The following CACNB4 variants were observed in gnomAD, a reference collection of about 807,000 sequenced individuals.
CACNB4 encodes calcium voltage-gated channel auxiliary subunit beta 4.
Under a neutral mutation model 71.2 loss-of-function variants are expected in CACNB4, and 32 were observed. That is an observed-to-expected ratio of 0.45 (90% CI 0.34 to 0.60). CACNB4 has a LOEUF of 0.60. CACNB4 is among the 20% of genes least tolerant of loss of function. CACNB4 has a pLI of 0.01. For missense variants in CACNB4, 464 were observed against 647.9 expected (o/e 0.72, Z 3.08); for synonymous variants, 231 against 236.9 (o/e 0.97, Z 0.23).
At chr2:152,048,663 T>G (rs1319432423) in intron 2 of CACNB4, 5 of 152,412 alleles carry the variant, frequency 3.3e-5, no homozygotes, top group African/African-American at 1.2e-4. Flanking sequence ...AGCGTGTCCC[T>G]CAGGACCTGG....
chr2:151,875,604 C>A (rs1285865503), intron 5 of CACNB4, among the ~76,000 whole-genome samples: 1 of 146,432 alleles, frequency 6.8e-6, no homozygotes, highest in African/African-American at 2.6e-5. Context: ...CCGGACGGGG[C>A]GGCTCGCCAG....
chr2:151,951,628 C>T (rs575478618), intron 2 of CACNB4, among the ~76,000 whole-genome samples: 2 of 152,254 alleles, frequency 1.3e-5, no homozygotes, highest in African/African-American at 2.4e-5. Flanking sequence ...GAAAGCTTAG[C>T]TCCCACTGCA....
At chr2:151,866,129 T>A (rs1362756012) in intron 9 of CACNB4, 1 of 152,176 alleles carries the variant, frequency 6.6e-6, no homozygotes, top group Non-Finnish European at 1.5e-5. Context: ...GGCCCCACAA[T>A]AGCAGCTACA....
At chr2:152,002,836 G>A (rs1484081862) in intron 2 of CACNB4, among the ~76,000 whole-genome samples, 1 of 152,214 alleles carries the variant, frequency 6.6e-6, no homozygotes, top group Non-Finnish European at 1.5e-5. Flanking sequence ...AGCATCTGTG[G>A]TTACATGCAA....
chr2:152,004,724 G>A (rs1682626748), intron 2 of CACNB4, among the ~76,000 whole-genome samples: 1 of 152,200 alleles, frequency 6.6e-6, no homozygotes, highest in Non-Finnish European at 1.5e-5. Context: ...GGCTCCCGCA[G>A]CACCACTTAG....
intron 2 of CACNB4, among the ~76,000 whole-genome samples, chr2:151,961,900 TA>T (rs11312502): frequency 0.83 from 126,641 of 151,912 alleles, 54,222 homozygotes; most frequent in Middle Eastern, 0.93. Flanking sequence ...TCAAAAAAAA[TA>T]AAAAAAAGAA....
At chr2:151,955,613 T>C (rs551015670) in intron 2 of CACNB4, among the ~76,000 whole-genome samples, 8 of 152,158 alleles carry the variant, frequency 5.3e-5, no homozygotes, top group African/African-American at 1.7e-4. Context: ...TGGACTTTGA[T>C]TGGGTGCAGT....
chr2:151,924,600 A>G (rs140877803), intron 2 of CACNB4, among the ~76,000 whole-genome samples: 2 of 152,094 alleles, frequency 1.3e-5, no homozygotes, highest in African/African-American at 4.8e-5. Flanking sequence ...ACCACCACAG[A>G]GAAAAGTTGT....
chr2:151,873,754 A>G (rs1189916411), intron 5 of CACNB4: 1 of 152,208 alleles, frequency 6.6e-6, no homozygotes, highest in African/African-American at 2.4e-5. Context: ...CATGCTCCCC[A>G]TGTGTCTAAA....
intron 2 of CACNB4, among the ~76,000 whole-genome samples, chr2:152,030,037 A>G (rs1684195100): frequency 6.6e-6 from 1 of 152,232 alleles, no homozygotes; most frequent in African/African-American, 2.4e-5. Context: ...TGCACTGAGT[A>G]GAGAATGCTG....
At chr2:152,008,794 T>G (rs1271292030) in intron 2 of CACNB4, among the ~76,000 whole-genome samples, 1 of 152,080 alleles carries the variant, frequency 6.6e-6, no homozygotes, top group Non-Finnish European at 1.5e-5. Context: ...GCGGGGAGCT[T>G]GTTGGGAATG....
At chr2:152,050,716 T>TA (rs951810930) in intron 2 of CACNB4, among the ~76,000 whole-genome samples, 5 of 152,076 alleles carry the variant, frequency 3.3e-5, no homozygotes, top group Admixed American at 6.5e-5. Context: ...ACTCTGTCTC[T>TA]AAAAAAAATT....
At chr2:151,853,411 G>C (rs760567319) in intron 12 of CACNB4, 37 bp downstream of exon 12, 16 of 1,292,386 alleles carry the variant, frequency 1.2e-5, no homozygotes, top group Non-Finnish European at 1.7e-5. Flanking sequence ...CTTCTAACTA[G>C]TCAAGAATGA....
intron 2 of CACNB4, among the ~76,000 whole-genome samples, chr2:152,015,420 C>G (rs1239156189): frequency 6.6e-6 from 1 of 152,216 alleles, no homozygotes; most frequent in Non-Finnish European, 1.5e-5. Flanking sequence ...CGTGAGCCAC[C>G]ATGCCCAGCC....
chr2:151,933,644 G>C (rs1471797072), intron 2 of CACNB4, among the ~76,000 whole-genome samples: 1 of 152,070 alleles, frequency 6.6e-6, no homozygotes, highest in Non-Finnish European at 1.5e-5. Context: ...CTTCTACTCA[G>C]GCTCCCCCTC....
At chr2:151,919,865 CAACA>C (rs1313877291) in intron 2 of CACNB4, among the ~76,000 whole-genome samples, 1 of 150,638 alleles carries the variant, frequency 6.6e-6, no homozygotes, top group African/African-American at 2.4e-5. Context: ...ACAACAACAA[CAACA>C]AAACCTGAAT....
At chr2:151,984,300 C>A (rs12052497) in intron 2 of CACNB4, among the ~76,000 whole-genome samples, 2 of 152,158 alleles carry the variant, frequency 1.3e-5, no homozygotes, top group Admixed American at 1.3e-4. Context: ...CTCTTAGTAG[C>A]CTTTAGGAAA....
chr2:152,009,003 T>G (rs1682895682), intron 2 of CACNB4, among the ~76,000 whole-genome samples: 1 of 152,080 alleles, frequency 6.6e-6, no homozygotes, highest in Admixed American at 6.6e-5. Context: ...AACAGCGCTT[T>G]TAACCACCAC....
chr2:151,988,212 G>A (rs1365554735), intron 2 of CACNB4, among the ~76,000 whole-genome samples: 1 of 151,964 alleles, frequency 6.6e-6, no homozygotes, highest in African/African-American at 2.4e-5. Context: ...TTGCGGCAAA[G>A]GCTTAGACAA....
Sources: gnomAD v4.1 joint callset for allele counts (sites outside exome capture counted in the v4.1 genomes callset) on GRCh38, gnomAD v4.1.1 for gene constraint, MANE v1.5 for transcripts, NCBI Gene and HGNC (gene_info 2026-07-23, HGNC 2026-07-21) for gene names.